The following LRRTM4 variants were observed in gnomAD, a reference collection of about 807,000 sequenced individuals.
LRRTM4 encodes leucine rich repeat transmembrane neuronal 4, also known as leucine-rich repeat transmembrane neuronal protein 4.
A neutral mutation model predicts 47.6 loss-of-function variants in LRRTM4; 25 were observed. That is an observed-to-expected ratio of 0.53 (90% CI 0.38 to 0.73). The LOEUF is 0.73. LRRTM4 is among the 30% of genes least tolerant of loss of function. The probability of loss-of-function intolerance (pLI) is 0.00; values close to 1 mark genes in which losing one functional copy is unlikely to be tolerated. For missense variants in LRRTM4, 638 were observed against 713.4 expected (o/e 0.89, Z 1.20); for synonymous variants, 311 against 269.5 (o/e 1.15, Z -1.51).
chr2:76,843,487 G>C (rs896775106), intron 3 of LRRTM4, among the ~76,000 whole-genome samples: 3 of 152,218 alleles, frequency 2.0e-5, no homozygotes, highest in South Asian at 4.1e-4. Flanking sequence ...TGCTTCCATG[G>C]AAAAGTAGGG....
At chr2:77,477,860 A>G (rs1677470078) in intron 3 of LRRTM4, among the ~76,000 whole-genome samples, 2 of 146,770 alleles carry the variant, frequency 1.4e-5, no homozygotes, top group African/African-American at 2.5e-5. Flanking sequence ...AAAAAAAGAA[A>G]GAGAGAGAGA....
intron 3 of LRRTM4, among the ~76,000 whole-genome samples, chr2:76,959,101 C>T (rs956423964): frequency 1.3e-5 from 2 of 151,624 alleles, no homozygotes; most frequent in South Asian, 2.1e-4. Context: ...CCCAGGGCAT[C>T]CCTTTGGCTG....
Position 77,388,416 on chromosome 2 carries a change from T to A in LRRTM4, c.1551+129902A>T, listed in dbSNP as rs1048198367. On this transcript the variant is annotated intron_variant, in intron 3 of 3. Transcript: ENST00000409884. ...AAGGAGTCTGCACTCATAGTTACAT[T>A]GACAAGGAGGAAATAAATCTGAGAG... 2.0e-5 allele frequency among the ~76,000 whole-genome samples: 3 copies of A among 152,156 alleles called. No homozygotes were observed. In the East Asian group the frequency reaches 5.8e-4, roughly 29 times the overall value.
chr2:77,414,079 A>G (rs1458343077), intron 3 of LRRTM4, among the ~76,000 whole-genome samples: 1 of 152,132 alleles, frequency 6.6e-6, no homozygotes, highest in Non-Finnish European at 1.5e-5. Flanking sequence ...CCTCAAATCA[A>G]AATGCTTCTA....
intron 3 of LRRTM4, among the ~76,000 whole-genome samples, chr2:77,163,661 T>C (rs566412489): frequency 2.0e-5 from 3 of 152,286 alleles, no homozygotes; most frequent in African/African-American, 7.2e-5. Flanking sequence ...TATTCAACAT[T>C]CTTAAAGAAA....
chr2:77,229,582 C>T (rs1429046114), intron 3 of LRRTM4, among the ~76,000 whole-genome samples: 4 of 152,240 alleles, frequency 2.6e-5, no homozygotes, highest in South Asian at 4.1e-4. Context: ...CTTTCTCTAA[C>T]ACCCCACATT....
intron 3 of LRRTM4, among the ~76,000 whole-genome samples, chr2:76,805,698 T>A (rs1675931424): frequency 6.6e-6 from 1 of 152,184 alleles, no homozygotes; most frequent in African/African-American, 2.4e-5. Flanking sequence ...TAATGACGCA[T>A]ACCATGTATG....
At chr2:77,425,639 CAAG>C (rs573910755) in intron 3 of LRRTM4, among the ~76,000 whole-genome samples, 164 of 152,246 alleles carry the variant, frequency 1.1e-3, no homozygotes, top group Admixed American at 1.9e-3. Context: ...AGTGGATAAA[CAAG>C]AAGTTTATTT....
intron 3 of LRRTM4, among the ~76,000 whole-genome samples, chr2:77,091,232 G>A (rs138151547): frequency 0.39 from 41,788 of 108,232 alleles, 7,248 homozygotes; most frequent in African/African-American, 0.61. Context: ...CCTCCTTTGC[G>A]TCCTCCTCTT....
chr2:77,433,484 A>T (rs897126539), intron 3 of LRRTM4, among the ~76,000 whole-genome samples: 1 of 152,220 alleles, frequency 6.6e-6, no homozygotes, highest in African/African-American at 2.4e-5. Flanking sequence ...CACCAAAATT[A>T]ACAAATCTAA....
chr2:77,051,671 C>G (rs1679437500), intron 3 of LRRTM4, among the ~76,000 whole-genome samples: 1 of 152,138 alleles, frequency 6.6e-6, no homozygotes, highest in Admixed American at 6.6e-5. Flanking sequence ...GTACAGCAAA[C>G]TTTTAAAAGT....
chr2:77,517,932 A>T, intron 3 of LRRTM4: 2 of 998,782 alleles, frequency 2.0e-6, no homozygotes, highest in Non-Finnish European at 2.4e-6. Context: ...TTTTAAATTA[A>T]GCTGGCCCTC....
intron 3 of LRRTM4, among the ~76,000 whole-genome samples, chr2:76,791,232 G>A (rs957019370): frequency 6.6e-6 from 1 of 152,082 alleles, no homozygotes; most frequent in Non-Finnish European, 1.5e-5. Context: ...ACCCTAACGT[G>A]ACTCAAAGAC....
intron 3 of LRRTM4, among the ~76,000 whole-genome samples, chr2:76,940,395 C>A (rs2103858935): frequency 6.6e-6 from 1 of 152,236 alleles, no homozygotes; most frequent in Middle Eastern, 3.4e-3. Context: ...AACAGAAAAT[C>A]AGATACCACC....
At chr2:76,756,511 AAGAGTTTGAT>A (rs1673035031) in intron 3 of LRRTM4, among the ~76,000 whole-genome samples, 2 of 152,194 alleles carry the variant, frequency 1.3e-5, no homozygotes, top group African/African-American at 4.8e-5. Context: ...AACAATTTAA[AAGAGTTTGAT>A]TTGTTCTATC....
intron 3 of LRRTM4, among the ~76,000 whole-genome samples, chr2:77,375,180 T>C (rs891784249): frequency 2.0e-5 from 3 of 151,792 alleles, no homozygotes; most frequent in Non-Finnish European, 2.9e-5. Flanking sequence ...TTAGGAGGAA[T>C]GTTTTAACTT....
At chr2:77,478,713 C>G (rs937285725) in intron 3 of LRRTM4, among the ~76,000 whole-genome samples, 34 of 152,136 alleles carry the variant, frequency 2.2e-4, no homozygotes, top group African/African-American at 7.7e-4. Context: ...TTGTTCAAGT[C>G]ATTTCAGAGG....
chr2:77,364,600 T>G (rs1379264053), intron 3 of LRRTM4, among the ~76,000 whole-genome samples: 1 of 152,026 alleles, frequency 6.6e-6, no homozygotes, highest in Non-Finnish European at 1.5e-5. Flanking sequence ...GCCCTTTCAC[T>G]CCCTCCTTTT....
At chr2:76,815,812 A>C (rs950343308) in intron 3 of LRRTM4, among the ~76,000 whole-genome samples, 27 of 152,254 alleles carry the variant, frequency 1.8e-4, no homozygotes, top group South Asian at 8.3e-4. Flanking sequence ...AACAAAACAT[A>C]AAGGAATACA....
Sources: gnomAD v4.1 joint callset for allele counts (sites outside exome capture counted in the v4.1 genomes callset) on GRCh38, gnomAD v4.1.1 for gene constraint, MANE v1.5 for transcripts, NCBI Gene and HGNC (gene_info 2026-07-23, HGNC 2026-07-21) for gene names.